EPB41: variants seen among roughly 807,000 people sequenced by gnomAD.
EPB41 encodes the protein protein 4.1.
In EPB41, 65 loss-of-function variants were observed where a neutral mutation model predicts 108.0. The ratio of observed to expected loss-of-function variants is 0.60; its 90% CI spans 0.49 to 0.74. The LOEUF (loss-of-function observed/expected upper bound fraction) is 0.74. EPB41 is among the 30% of genes least tolerant of loss of function. The pLI is 0.00. For synonymous variants in EPB41, 336 were observed against 358.9 expected (o/e 0.94, Z 0.72); for missense variants, 875 against 1,037.0 (o/e 0.84, Z 2.15).
chr1:28,960,758 C>T (rs965093669), intron 1 of EPB41, among the ~76,000 whole-genome samples: 7 of 151,006 alleles, frequency 4.6e-5, no homozygotes, highest in African/African-American at 1.7e-4. Context: ...CCAGGCCAGG[C>T]GCAATGGCTC....
intron 11 of EPB41, among the ~76,000 whole-genome samples, chr1:29,044,611 G>T (rs1055757876): frequency 6.6e-6 from 1 of 152,152 alleles, no homozygotes; most frequent in Non-Finnish European, 1.5e-5. Context: ...GGAGGCTGAG[G>T]CGGGCGGATC....
chr1:28,987,314 A>G, intron 1 of EPB41, 117 bp from the exon 2 acceptor site: 1 of 837,102 alleles, frequency 1.2e-6, no homozygotes, highest in Non-Finnish European at 2.0e-6. Context: ...ATGGGTTTGA[A>G]TTCTGTTTGT....
intron 17 of EPB41, among the ~76,000 whole-genome samples, chr1:29,103,913 C>T (rs1221969127): frequency 2.0e-5 from 3 of 152,162 alleles, no homozygotes; most frequent in East Asian, 1.9e-4. Flanking sequence ...GTGATCTGCC[C>T]GCCTTGGCCT....
chr1:28,975,291 C>G (rs74067252), intron 1 of EPB41, among the ~76,000 whole-genome samples: 19,224 of 151,914 alleles, frequency 0.13, 1,464 homozygotes, highest in East Asian at 0.37. Flanking sequence ...TATAAAAATG[C>G]CTTTAGGATC....
rs74424561 is a variant in EPB41, at chr1:29,101,213, A to G, written c.2313+3278A>G. On this transcript the variant is annotated intron_variant, in intron 17 of 20. Transcript: ENST00000343067. Reference sequence around the variant, plus strand: ...CACTCTAGCCTGGGCAACAAGAGCAAAAGTCCATCTCAAAAAAAGAAAAAA... The same window carrying G: ...CACTCTAGCCTGGGCAACAAGAGCAGAAGTCCATCTCAAAAAAAGAAAAAA... Among the ~76,000 whole-genome samples the G allele has an allele frequency of 1.9e-3, 293 of 151,978 alleles. 2 individuals are homozygous for G. Among genetic ancestry groups the G allele is most frequent in the African/African-American group, 6.3e-3 (263 of 41,466 alleles).
intron 1 of EPB41, among the ~76,000 whole-genome samples, chr1:28,941,551 A>G (rs753932834): frequency 5.3e-5 from 8 of 152,242 alleles, no homozygotes; most frequent in Non-Finnish European, 1.2e-4. Context: ...GTACTGATTT[A>G]TTAACAGATA....
chr1:29,100,979 C>A (rs1665146223), intron 17 of EPB41, among the ~76,000 whole-genome samples: 1 of 150,764 alleles, frequency 6.6e-6, no homozygotes, highest in Admixed American at 6.6e-5. Flanking sequence ...AAACCCAATA[C>A]TTTGGGAGGC....
At chr1:29,087,647 C>T (rs1270113738) in intron 16 of EPB41, among the ~76,000 whole-genome samples, 1 of 152,122 alleles carries the variant, frequency 6.6e-6, no homozygotes, top group African/African-American at 2.4e-5. Context: ...AGGCGTGAGC[C>T]ACTGCGCCCG....
chr1:28,887,114 A>G (rs2089499711), upstream of EPB41: 1 of 701,192 alleles, frequency 1.4e-6, no homozygotes, highest in African/African-American at 1.8e-5. This position sits in a 1 kb window ranked among gnomAD's most constrained non-coding sequence, Gnocchi z 4.9. Context: ...GTGCAGGTGG[A>G]GGCCCCGGCG....
At chr1:29,098,716 TTA>T (rs1246613621) in intron 17 of EPB41, among the ~76,000 whole-genome samples, 1 of 151,886 alleles carries the variant, frequency 6.6e-6, no homozygotes, top group African/African-American at 2.4e-5. Context: ...CTTCATGGTG[TTA>T]TGAGGATTTA....
chr1:28,982,106 CGTT>C, intron 1 of EPB41, among the ~76,000 whole-genome samples: 1 of 151,720 alleles, frequency 6.6e-6, no homozygotes, highest in South Asian at 2.1e-4. Flanking sequence ...CATGTGTTCT[CGTT>C]GTTCAATTCC....
intron 4 of EPB41, among the ~76,000 whole-genome samples, chr1:29,007,639 C>T (rs191841374): frequency 3.9e-5 from 6 of 152,270 alleles, no homozygotes; most frequent in Non-Finnish European, 8.8e-5. Context: ...CCTCATGTTA[C>T]TTGTCTGTTT....
chr1:28,900,966 G>A (rs2091226403), intron 1 of EPB41, among the ~76,000 whole-genome samples: 1 of 151,892 alleles, frequency 6.6e-6, no homozygotes, highest in African/African-American at 2.4e-5. Flanking sequence ...ATCTCACTCT[G>A]TTACCCAGGC....
chr1:28,907,050 C>G (rs984157804), intron 1 of EPB41, among the ~76,000 whole-genome samples: 2 of 151,092 alleles, frequency 1.3e-5, no homozygotes, highest in African/African-American at 4.9e-5. Context: ...GGATTACAGG[C>G]GTGAGCCACC....
chr1:29,002,182 G>T (rs1376046043), intron 4 of EPB41, among the ~76,000 whole-genome samples: 1 of 152,066 alleles, frequency 6.6e-6, no homozygotes, highest in Non-Finnish European at 1.5e-5. Context: ...AGTATTATTG[G>T]CTGGGCATGG....
intron 1 of EPB41, among the ~76,000 whole-genome samples, chr1:28,974,395 T>A (rs542479016): frequency 3.5e-4 from 53 of 152,312 alleles, no homozygotes; most frequent in African/African-American, 1.2e-3. Context: ...GGACTTAAGA[T>A]CCTTTTTAGT....
chr1:28,958,015 A>G (rs1397372836), intron 1 of EPB41, among the ~76,000 whole-genome samples: 1 of 151,910 alleles, frequency 6.6e-6, no homozygotes, highest in Non-Finnish European at 1.5e-5. Flanking sequence ...GAGTCTTGCT[A>G]TGTTAACCAG....
chr1:28,914,570 G>C lies in EPB41; in HGVS notation c.-206G>C, dbSNP rs1475535104. 6.6e-6 allele frequency: 1 copy of C among 152,160 alleles called. No individual in the cohort carries two copies. Among genetic ancestry groups the C allele is most frequent in the Non-Finnish European group, 1.5e-5 (1 of 68,074 alleles). 9.4% of individuals were successfully genotyped at this position (152,160 alleles called of 1,614,324 possible). A position where few individuals can be genotyped will look rare whatever the true frequency, so the allele number is the denominator to read the frequency against. On this transcript the variant is annotated 5_prime_UTR_variant, in exon 1 of 21. Transcript: ENST00000343067. ...CGGGCCGGGCTGGCCTCGCCTCGCA[G>C]AGGGAAGGCGGGAGGGCGCGCGCCA...
chr1:29,070,883 G>A (rs568691887), intron 16 of EPB41: 1 of 340,446 alleles, frequency 2.9e-6, no homozygotes, highest in African/African-American at 2.1e-5. Context: ...TGGCAGGTTG[G>A]TAATCTTCCC....
Sources: allele counts gnomAD v4.1 joint callset (sites outside exome capture counted in the v4.1 genomes callset), GRCh38; gene constraint gnomAD v4.1.1; non-coding constraint Gnocchi (gnomAD v3.1); transcripts MANE v1.5; gene names NCBI Gene and HGNC (gene_info 2026-07-23, HGNC 2026-07-21).